Variants in ACACA observed in about 807,000 individuals in gnomAD.
ACACA encodes acetyl-CoA carboxylase 1.
ACACA carries 103 observed loss-of-function variants against 296.1 expected under a neutral mutation model. The observed-to-expected ratio is 0.35, with a 90% CI of 0.30 to 0.41. The LOEUF is 0.41. Among genes scored for constraint, ACACA ranks in the 10% least tolerant of loss-of-function variants. The pLI is 1.00. For missense variants in ACACA, 1,554 were observed against 2,989.7 expected (o/e 0.52, Z 11.20); for synonymous variants, 953 against 1,038.6 (o/e 0.92, Z 1.58).
intron 1 of ACACA, among the ~76,000 whole-genome samples, chr17:37,364,489 G>A (rs985189896): frequency 2.0e-5 from 3 of 151,310 alleles, no homozygotes; most frequent in Admixed American, 6.6e-5. Flanking sequence ...AGCTACTTAC[G>A]AGGCTGAGGC....
intron 28 of ACACA, 30 bp downstream of exon 28, chr17:37,223,482 A>T: frequency 6.7e-7 from 1 of 1,495,778 alleles, no homozygotes; most frequent in Non-Finnish European, 9.3e-7. Context: ...ACAAAGGAAA[A>T]GGTCATGTCC....
rs1019947617 is a variant in ACACA at position 37,097,740 on chromosome 17, T to C, written c.6720+90A>G. On this transcript the variant is annotated intron_variant, in intron 53 of 55. Coordinates refer to ENST00000616317, the MANE Select transcript of ACACA (RefSeq NM_198834.3). This position sits in a 1 kb window ranked among gnomAD's most constrained non-coding sequence, Gnocchi z 4.8. ...AGAAGTTGTTTTAATTTGGCCCTCA[T>C]AGCTCCCTGCTTATGAGCCTGTGTG... The C allele has an allele frequency of 7.0e-5, 107 of 1,538,266 alleles. 1 individual carries two copies. The African/African-American group carries it at 1.2e-3, about 17-fold the overall frequency.
intron 1 of ACACA, chr17:37,391,766 T>C (rs754238564): frequency 6.5e-6 from 10 of 1,539,344 alleles, no homozygotes; most frequent in African/African-American, 1.4e-5. Context: ...TACTACACAG[T>C]CCTCTCCCTA....
chr17:37,105,072 G>C (rs1215581350), intron 52 of ACACA, among the ~76,000 whole-genome samples: 2 of 151,874 alleles, frequency 1.3e-5, no homozygotes, highest in African/African-American at 4.8e-5. Context: ...GCCCTAGTCT[G>C]TGTATGAACA....
chr17:37,359,112 G>A (rs2049286115), intron 1 of ACACA: 2 of 985,542 alleles, frequency 2.0e-6, no homozygotes, highest in Non-Finnish European at 2.4e-6. Context: ...TGCAGCACCA[G>A]GCCGGCCCGG....
intron 11 of ACACA, among the ~76,000 whole-genome samples, chr17:37,260,279 TATATATATATATATA>T (rs2081419599): frequency 1.8e-4 from 6 of 34,244 alleles, no homozygotes; most frequent in African/African-American, 8.8e-4. Context: ...TATATATATA[TATATATATATATATA>T]TATTTTTTTT....
chr17:37,171,386 G>T (rs1343119756), intron 41 of ACACA, among the ~76,000 whole-genome samples: 1 of 151,938 alleles, frequency 6.6e-6, no homozygotes, highest in Non-Finnish European at 1.5e-5. Context: ...ATAACAAAAT[G>T]TTACCTCTTT....
intron 39 of ACACA, 117 bp downstream of exon 39, chr17:37,188,160 G>T: frequency 1.0e-6 from 1 of 991,660 alleles, no homozygotes; most frequent in Non-Finnish European, 1.6e-6. Context: ...TCTTATAGAG[G>T]ATAATCCCAC....
At chr17:37,183,916 G>A (rs1227921870) in intron 39 of ACACA, among the ~76,000 whole-genome samples, 1 of 145,702 alleles carries the variant, frequency 6.9e-6, no homozygotes, top group African/African-American at 2.5e-5. Context: ...GCAATGGTGC[G>A]ATCTCGGCTC....
intron 1 of ACACA, among the ~76,000 whole-genome samples, chr17:37,400,122 GTTTGTT>G (rs908783836): frequency 2.0e-4 from 30 of 151,874 alleles, no homozygotes; most frequent in African/African-American, 7.3e-4. Flanking sequence ...TTGTTTGTTT[GTTTGTT>G]TTTGTTTTTG....
chr17:37,097,282 A>G lies in ACACA; in HGVS notation c.6721-116T>C. On this transcript the variant is annotated intron_variant, in intron 53 of 55. Coordinates refer to ENST00000616317, the MANE Select transcript of ACACA (RefSeq NM_198834.3). This position sits in a 1 kb window ranked among gnomAD's most constrained non-coding sequence, Gnocchi z 4.8. ...TCCAGGCAAGCCCTTCACAGACCCA[A>G]GAGCTGGCTGTAAACTCCTAGCACT... 4.1e-6 allele frequency: 5 copies of G among 1,228,840 alleles called. No homozygotes were observed. The South Asian group carries it at 5.1e-5, about 13-fold the overall frequency. The allele number at this position is 1,228,840 out of a possible 1,614,324, so 76.1% of individuals were successfully genotyped here.
intron 29 of ACACA, among the ~76,000 whole-genome samples, chr17:37,221,310 T>G (rs572810301): frequency 3.9e-5 from 6 of 152,198 alleles, no homozygotes; most frequent in African/African-American, 1.4e-4. Context: ...GGCTCAGATA[T>G]AACCTCAACC....
At position 37,159,839 on chromosome 17, in the gene ACACA, G is replaced by C. The variant is rs2076393961; in HGVS notation, c.5349+1942C>G. 2.6e-5 allele frequency among the ~76,000 whole-genome samples: 4 copies of C among 152,334 alleles called. No homozygotes were observed. In the South Asian group the frequency reaches 8.3e-4, roughly 32 times the overall value. The stretch of plus-strand genomic sequence containing the variant: ...GATGTGAAAGGCAGCAAAGGAAACT[G>C]AGAAAGAGGAGCCAGGAATGCAGGA... On this transcript the variant is annotated intron_variant, in intron 42 of 55. Coordinates refer to ENST00000616317, the MANE Select transcript of ACACA (RefSeq NM_198834.3).
At chr17:37,306,004 G>A (rs1404496937) in intron 3 of ACACA, among the ~76,000 whole-genome samples, 1 of 146,550 alleles carries the variant, frequency 6.8e-6, no homozygotes, top group Non-Finnish European at 1.5e-5. Context: ...CGCCTCCTGG[G>A]TTCACACCAT....
intron 50 of ACACA, among the ~76,000 whole-genome samples, chr17:37,119,046 C>CTA (rs2074392974): frequency 2.0e-5 from 3 of 152,070 alleles, no homozygotes; most frequent in South Asian, 4.1e-4. Context: ...TCAGTGGGCC[C>CTA]CCCACAAAGA....
chr17:37,373,509 G>A (rs1011010682), intron 1 of ACACA, among the ~76,000 whole-genome samples: 3 of 150,170 alleles, frequency 2.0e-5, no homozygotes, highest in Non-Finnish European at 4.4e-5. Flanking sequence ...GCCTCCCAAC[G>A]TGCTGGGATT....
At chr17:37,368,482 G>T (rs747564610) in intron 1 of ACACA, among the ~76,000 whole-genome samples, 16 of 151,930 alleles carry the variant, frequency 1.1e-4, no homozygotes, top group Non-Finnish European at 1.5e-4. Flanking sequence ...TCGGGAAGCT[G>T]AAGGAGGAGA....
chr17:37,304,761 C>G (rs1464337750), intron 3 of ACACA, among the ~76,000 whole-genome samples: 1 of 151,174 alleles, frequency 6.6e-6, no homozygotes, highest in Non-Finnish European at 1.5e-5. Flanking sequence ...TGCACTCCAG[C>G]CTGGGCAACA....
At chr17:37,309,765 A>G (rs2146986583) in intron 3 of ACACA, among the ~76,000 whole-genome samples, 1 of 152,052 alleles carries the variant, frequency 6.6e-6, no homozygotes, top group East Asian at 1.9e-4. Flanking sequence ...AAAATTTTGT[A>G]TCTAGGCCAG....
Sources: gnomAD v4.1 joint callset for allele counts (sites outside exome capture counted in the v4.1 genomes callset) on GRCh38, gnomAD v4.1.1 for gene constraint, Gnocchi (gnomAD v3.1) non-coding constraint, MANE v1.5 for transcripts, NCBI Gene and HGNC (gene_info 2026-07-23, HGNC 2026-07-21) for gene names.